SYT2: variants seen among roughly 807,000 people sequenced by gnomAD.
SYT2 encodes synaptotagmin 2.
SYT2 carries 15 observed loss-of-function variants against 39.9 expected under a neutral mutation model. The observed-to-expected ratio is 0.38, with a 90% confidence interval of 0.25 to 0.58. The LOEUF is 0.58. SYT2 is among the 20% of genes least tolerant of loss of function. The pLI is 0.70. For missense variants in SYT2, 389 were observed against 530.3 expected, an observed-to-expected ratio of 0.73 and a Z score of 2.62; for synonymous variants, 181 against 204.5, an observed-to-expected ratio of 0.89 and a Z score of 0.98.
At chr1:202,694,559 TACAC>T (rs10563246) in intron 1 of SYT2, among the ~76,000 whole-genome samples, 16 of 150,002 alleles carry the variant, frequency 1.1e-4, no homozygotes, top group Admixed American at 2.0e-4. Flanking sequence ...AGGCTGAATT[TACAC>T]ACACACACAC....
At chr1:202,691,189 C>T (rs1192478028) in intron 1 of SYT2, among the ~76,000 whole-genome samples, 4 of 152,064 alleles carry the variant, frequency 2.6e-5, no homozygotes, top group African/African-American at 7.2e-5. Context: ...CTTTTGTGTT[C>T]GGCAGGTTGT....
rs1271206601 is a variant in SYT2 at position 202,628,105 on chromosome 1, G to C, written c.-17-22316C>G. Reference sequence around the variant, plus strand: ...CTCAGAGGTGGGTGCCGGGGGCAGGGAGGGAGACCTCCACTGTGCCCACTC... The same window carrying C: ...CTCAGAGGTGGGTGCCGGGGGCAGGCAGGGAGACCTCCACTGTGCCCACTC... On this transcript the variant is annotated intron_variant, in intron 1 of 8. Coordinates refer to ENST00000367268, the MANE Select transcript of SYT2 (RefSeq NM_177402.5). This position sits in a 1 kb window ranked among gnomAD's most constrained non-coding sequence, Gnocchi z 4.2. 2.0e-5 allele frequency among the ~76,000 whole-genome samples: 3 copies of C among 152,150 alleles called. No individual in the cohort carries two copies. The highest frequency in any genetic ancestry group is 7.2e-5 in the African/African-American group (3 of 41,428).
chr1:202,660,770 A>G (rs1692360690), intron 1 of SYT2, among the ~76,000 whole-genome samples: 1 of 152,158 alleles, frequency 6.6e-6, no homozygotes, highest in Admixed American at 6.5e-5. Context: ...GGTATAAGCC[A>G]CCGCGTCATG....
At chr1:202,707,706 CCT>C (rs1001811431) in intron 1 of SYT2, among the ~76,000 whole-genome samples, 2 of 152,172 alleles carry the variant, frequency 1.3e-5, no homozygotes, top group African/African-American at 4.8e-5. Context: ...TCTACTCTCC[CCT>C]GAGAGGGCGG....
chr1:202,627,458 C>A, intron 1 of SYT2: 1 of 985,410 alleles, frequency 1.0e-6, no homozygotes, highest in Non-Finnish European at 1.2e-6. Flanking sequence ...AAAAGAGGCA[C>A]CCTGTCTAGG....
chr1:202,627,335 T>C, intron 1 of SYT2: 1 of 537,776 alleles, frequency 1.9e-6, no homozygotes, highest in Non-Finnish European at 2.4e-6. Flanking sequence ...TTGCTGAGCC[T>C]GATAGCAGGA....
chr1:202,607,397 G>A (rs1189750394), intron 1 of SYT2, among the ~76,000 whole-genome samples: 1 of 152,190 alleles, frequency 6.6e-6, no homozygotes, highest in Admixed American at 6.5e-5. Context: ...ATTAAAACAA[G>A]CTGGAAATAA....
intron 1 of SYT2, among the ~76,000 whole-genome samples, chr1:202,607,022 C>G (rs973081238): frequency 2.6e-5 from 4 of 152,046 alleles, no homozygotes; most frequent in African/African-American, 7.3e-5. Flanking sequence ...CACTGGTAGA[C>G]ATTTAGGCAG....
At chr1:202,663,056 A>G (rs1340858444) in intron 1 of SYT2, among the ~76,000 whole-genome samples, 1 of 152,124 alleles carries the variant, frequency 6.6e-6, no homozygotes, top group East Asian at 1.9e-4. Context: ...CGGCATCATC[A>G]TGAGTCCTCT....
intron 1 of SYT2, among the ~76,000 whole-genome samples, chr1:202,668,719 A>G (rs1334656104): frequency 6.6e-6 from 1 of 152,236 alleles, no homozygotes. Flanking sequence ...GGTAACTTGC[A>G]TAAGAGCTCA....
chr1:202,663,840 C>G (rs1258991359), intron 1 of SYT2, among the ~76,000 whole-genome samples: 1 of 152,142 alleles, frequency 6.6e-6, no homozygotes, highest in Non-Finnish European at 1.5e-5. Flanking sequence ...TCTGGCTGCT[C>G]TGTCTACTGG....
chr1:202,607,961 T>C (rs1022766523), intron 1 of SYT2, among the ~76,000 whole-genome samples: 6 of 152,204 alleles, frequency 3.9e-5, no homozygotes, highest in African/African-American at 1.4e-4. Context: ...GTGCATTTTA[T>C]TGTATTCACA....
At chr1:202,647,180 C>T (rs1692102278) in intron 1 of SYT2, among the ~76,000 whole-genome samples, 1 of 152,174 alleles carries the variant, frequency 6.6e-6, no homozygotes, top group South Asian at 2.1e-4. Flanking sequence ...AATAAAGGCC[C>T]CTTACCTCCC....
chr1:202,692,406 G>A (rs573434071), intron 1 of SYT2, among the ~76,000 whole-genome samples: 449 of 152,258 alleles, frequency 2.9e-3, no homozygotes, highest in Middle Eastern at 6.8e-3. Context: ...ACAGGGAAGA[G>A]TCCCCTGCTC....
chr1:202,637,851 G>A (rs1378393858), intron 1 of SYT2, among the ~76,000 whole-genome samples: 8 of 152,222 alleles, frequency 5.3e-5, no homozygotes, highest in Admixed American at 3.9e-4. Context: ...TGGTGGCTGC[G>A]GGACCAGGTT....
intron 1 of SYT2, among the ~76,000 whole-genome samples, chr1:202,606,773 GGA>G (rs1293035068): frequency 3.9e-5 from 6 of 152,006 alleles, no homozygotes; most frequent in African/African-American, 9.7e-5. Flanking sequence ...GAAAATTTGG[GGA>G]GAGAGAGAGA....
At chr1:202,654,408 C>T (rs955523597) in intron 1 of SYT2, among the ~76,000 whole-genome samples, 1 of 152,200 alleles carries the variant, frequency 6.6e-6, no homozygotes, top group South Asian at 2.1e-4. Context: ...CCTGTTTCTT[C>T]GAAGGCACCA....
chr1:202,684,536 A>T (rs1442184386), intron 1 of SYT2, among the ~76,000 whole-genome samples: 1 of 152,196 alleles, frequency 6.6e-6, no homozygotes, highest in African/African-American at 2.4e-5. Flanking sequence ...TTATCCATTC[A>T]TCAGTGAACT....
chr1:202,608,451 A>AT (rs1558427855), intron 1 of SYT2, among the ~76,000 whole-genome samples: 1 of 151,688 alleles, frequency 6.6e-6, no homozygotes, highest in East Asian at 1.9e-4. Context: ...TAATTTTTTA[A>AT]TTTTTTGTAG....
Sources: allele counts gnomAD v4.1 joint callset (sites outside exome capture counted in the v4.1 genomes callset), GRCh38; gene constraint gnomAD v4.1.1; non-coding constraint Gnocchi (gnomAD v3.1); transcripts MANE v1.5; gene names NCBI Gene and HGNC (gene_info 2026-07-23, HGNC 2026-07-21).